The following EP400 variants were observed in gnomAD, a reference collection of about 807,000 sequenced individuals.
The protein encoded by EP400 is E1A binding protein p400.
A neutral mutation model predicts 354.1 loss-of-function variants in EP400; 105 were observed. The observed-to-expected ratio is 0.30, with a 90% CI of 0.25 to 0.35. The LOEUF (loss-of-function observed/expected upper bound fraction) is 0.35. EP400 is among the 10% of genes least tolerant of loss of function. The pLI is 1.00. For synonymous variants in EP400, 1,646 were observed against 1,716.9 expected (o/e 0.96, Z 1.02); for missense variants, 3,280 against 4,121.0 (o/e 0.80, Z 5.59).
At chr12:131,982,567 A>G in intron 5 of EP400, 89 bp downstream of exon 5, 1 of 1,461,232 alleles carries the variant, frequency 6.8e-7, no homozygotes, top group Admixed American at 2.4e-5. Flanking sequence ...ACCACACTGT[A>G]ATTTGTGTAT....
chr12:132,036,668 G>C (rs1162071860), intron 30 of EP400, among the ~76,000 whole-genome samples: 1 of 152,230 alleles, frequency 6.6e-6, no homozygotes, highest in Non-Finnish European at 1.5e-5. Context: ...TTTTTTAGTG[G>C]TTCTCAGGGT....
rs752962874 is a variant in EP400 at position 132,017,668 on chromosome 12, G to A, written c.4057G>A (p.Glu1353Lys). 11 of 1,588,582 alleles carry A rather than the reference G, an allele frequency of 6.9e-6. No homozygotes were observed. Among genetic ancestry groups the A allele is most frequent in the Non-Finnish European group, 9.4e-6 (11 of 1,165,890 alleles). The part of the protein sequence containing the change: ...PGSSYVAGPL[E>K]YPSASLILKA... ...CTCTTCCTACGTGGCGGGGCCACTG[G>A]AGTATCCGTCCGCATCTCTAATCCT... Residue 1353 changes from glutamate (E) to lysine (K), a missense_variant, in exon 20 of 53, where the codon GAG becomes AAG. Coordinates refer to ENST00000389561, the MANE Select transcript of EP400 (RefSeq NM_015409.5). This position sits in a 1 kb window ranked among gnomAD's most constrained non-coding sequence, Gnocchi z 5.0.
At position 131,966,761 on chromosome 12, in the gene EP400, G is replaced by A. The variant is rs575511490; in HGVS notation, c.1335+4807G>A. ...TCTACTAAAAATACCACAATTAGCCGGGCATGGTGGCGGGCACCTGTAATC... is the reference window on the plus strand; with the variant it reads ...TCTACTAAAAATACCACAATTAGCCAGGCATGGTGGCGGGCACCTGTAATC... On this transcript the variant is annotated intron_variant, in intron 2 of 52. Transcript: ENST00000389561. Among the ~76,000 whole-genome samples, 44 of 151,400 alleles carry A rather than the reference G, an allele frequency of 2.9e-4. No homozygotes were observed. In the South Asian group the frequency reaches 6.3e-3, roughly 22 times the overall value.
chr12:131,974,917 G>C (rs1167893383), intron 2 of EP400, among the ~76,000 whole-genome samples: 1 of 149,334 alleles, frequency 6.7e-6, no homozygotes, highest in East Asian at 2.0e-4. Context: ...TTGAACCCGG[G>C]AGGCAGAGGT....
At chr12:132,000,196 T>C (rs1356119076) in intron 12 of EP400, among the ~76,000 whole-genome samples, 1 of 152,100 alleles carries the variant, frequency 6.6e-6, no homozygotes, top group Admixed American at 6.5e-5. Context: ...TTTAAATATT[T>C]TCTGATTTCC....
rs748151141 is a variant in EP400, at chr12:132,045,593, T to C, written c.7026+33T>C. 7.5e-6 allele frequency: 12 copies of C among 1,610,474 alleles called. No homozygotes were observed. The Admixed American group carries it at 8.4e-5, about 11-fold the overall frequency. On this transcript the variant is annotated intron_variant, in intron 38 of 52. Transcript: ENST00000389561. The stretch of plus-strand genomic sequence containing the variant: ...GGCGTGGTCTTTGTGCCAGCGGTCA[T>C]GTGCGGTCATTTTTCTAACGCACGT...
Position 132,020,164 on chromosome 12 carries a change from C to T in EP400, c.4393C>T (p.Pro1465Ser). 1 of 1,611,156 alleles carries T rather than the reference C, an allele frequency of 6.2e-7. No individual in the cohort carries two copies. The highest frequency in any genetic ancestry group is 8.5e-7 in the Non-Finnish European group (1 of 1,178,902). Reference sequence around the variant, plus strand: ...CACGGCCTCTGCTGCTCCACAGGGCCCGCTTCGAGGACGGCCGCCCATCGC... The same window carrying T: ...CACGGCCTCTGCTGCTCCACAGGGCTCGCTTCGAGGACGGCCGCCCATCGC... ...PTTASAAPQG[P>S]LRGRPPIATF... The change falls in exon 22 of 53, where the codon CCG becomes TCG. Residue 1465 changes from proline (P) to serine (S), a missense_variant. Transcript: ENST00000389561.
intron 30 of EP400, among the ~76,000 whole-genome samples, chr12:132,032,897 G>A: frequency 6.6e-6 from 1 of 152,246 alleles, no homozygotes; most frequent in African/African-American, 2.4e-5. Flanking sequence ...CCAAAGTGCT[G>A]GGATTACAGG....
chr12:132,050,246 C>G lies in EP400; in HGVS notation c.7201-77C>G, dbSNP rs904110233. On this transcript the variant is annotated intron_variant, in intron 39 of 52. Coordinates refer to ENST00000389561, the MANE Select transcript of EP400 (RefSeq NM_015409.5). The surrounding 1 kb of genome is among the most constrained non-coding windows in gnomAD (Gnocchi z 4.8). ...GGGGAGTTTAGCCTCAGATTCCCAC[C>G]CAGTGAGCCCTGTGTCCCACGCAGC... 3.2e-6 allele frequency: 5 copies of G among 1,545,826 alleles called. No homozygotes were observed. Among genetic ancestry groups the G allele is most frequent in the Non-Finnish European group, 4.4e-6 (5 of 1,138,152 alleles).
At chr12:131,959,685 C>T (rs758461324) in intron 1 of EP400, among the ~76,000 whole-genome samples, 3 of 152,234 alleles carry the variant, frequency 2.0e-5, no homozygotes, top group African/African-American at 4.8e-5. Context: ...TCCTGGCCAT[C>T]TCCTTCTCTC....
At chr12:132,076,477 C>T (rs561832388) in intron 51 of EP400, 39 bp from the exon 52 acceptor site, 2 of 1,600,856 alleles carry the variant, frequency 1.2e-6, no homozygotes, top group South Asian at 2.2e-5. Context: ...GCACATACTC[C>T]TTTGAATTGT....
chr12:132,013,093 C>G lies in EP400; in HGVS notation c.3526C>G (p.Arg1176Gly), dbSNP rs545361924. Residue 1176 changes from arginine to glycine, a missense_variant, in exon 17 of 53, where the codon CGC becomes GGC. Transcript: ENST00000389561. The surrounding 1 kb of genome is among the most constrained non-coding windows in gnomAD (Gnocchi z 4.5). ...GGGCCTCACCGCCTTCACACGAGTG[C>G]GCTGGAAGTGCCTGGTCATTGATGA... Reference protein sequence around the residue: ...FRGLTAFTRVRWKCLVIDEMQ... With the variant: ...FRGLTAFTRVGWKCLVIDEMQ... 1 of 1,614,088 alleles carries G rather than the reference C, an allele frequency of 6.2e-7. No individual in the cohort carries two copies. The highest frequency in any genetic ancestry group is 1.1e-5 in the South Asian group (1 of 91,048).
intron 12 of EP400, among the ~76,000 whole-genome samples, chr12:132,001,793 T>C (rs552913636): frequency 1.3e-5 from 2 of 152,214 alleles, no homozygotes; most frequent in Non-Finnish European, 2.9e-5. Flanking sequence ...TCTCCTCAGC[T>C]CCTATCTCTG....
Position 132,047,843 on chromosome 12 carries a change from G to A in EP400, c.7200+1943G>A, listed in dbSNP as rs536725755. ...GACTGGGGCTTATTTCATCCCTACAGCTGTGACCGTAAAAGACAGCTGCCC... is the reference window on the plus strand; with the variant it reads ...GACTGGGGCTTATTTCATCCCTACAACTGTGACCGTAAAAGACAGCTGCCC... On this transcript the variant is annotated intron_variant, in intron 39 of 52. Transcript: ENST00000389561. 2.2e-4 allele frequency among the ~76,000 whole-genome samples: 34 copies of A among 152,318 alleles called. No homozygotes were observed. In the East Asian group the frequency reaches 6.6e-3, roughly 29 times the overall value.
intron 27 of EP400, 30 bp downstream of exon 27, chr12:132,028,318 C>T (rs1474745307): frequency 1.2e-6 from 2 of 1,602,108 alleles, no homozygotes; most frequent in African/African-American, 1.3e-5. Flanking sequence ...CTTTTCGGTG[C>T]TCTCTGGCTG....
chr12:132,010,087 T>G (rs1188785652), intron 15 of EP400, among the ~76,000 whole-genome samples: 2 of 146,522 alleles, frequency 1.4e-5, no homozygotes, highest in Non-Finnish European at 3.0e-5. Flanking sequence ...GGTTGTGTCT[T>G]TTTTTTTTTT....
intron 2 of EP400, among the ~76,000 whole-genome samples, chr12:131,964,994 TGGCCTG>T (rs1244242773): frequency 6.6e-6 from 1 of 152,264 alleles, no homozygotes; most frequent in Non-Finnish European, 1.5e-5. Context: ...ACCTTGGCTT[TGGCCTG>T]GGCCTGGGCG....
chr12:131,958,090 G>A (rs974986543), intron 1 of EP400, among the ~76,000 whole-genome samples: 4 of 152,210 alleles, frequency 2.6e-5, no homozygotes, highest in Non-Finnish European at 5.9e-5. Flanking sequence ...CTCTGGGAAT[G>A]TATTGTAAGG....
intron 45 of EP400, among the ~76,000 whole-genome samples, chr12:132,060,170 T>G (rs191724198): frequency 6.6e-6 from 1 of 152,220 alleles, no homozygotes; most frequent in African/African-American, 2.4e-5. Flanking sequence ...AACCCAAACT[T>G]AAGAATGGGC....
Sources: allele counts gnomAD v4.1 joint callset (sites outside exome capture counted in the v4.1 genomes callset), GRCh38; gene constraint gnomAD v4.1.1; non-coding constraint Gnocchi (gnomAD v3.1); transcripts MANE v1.5; gene names NCBI Gene and HGNC (gene_info 2026-07-23, HGNC 2026-07-21).